Variants in CCDC178 observed in about 807,000 individuals in gnomAD.
The protein encoded by CCDC178 is coiled-coil domain containing 178.
In CCDC178, 126 loss-of-function variants were observed where a neutral mutation model predicts 117.4. That is an observed-to-expected ratio of 1.07 (90% CI 0.93 to 1.24). CCDC178 has a LOEUF of 1.24. CCDC178 is among the 50% of genes most tolerant of loss of function. The probability of loss-of-function intolerance (pLI) is 0.00; values close to 1 mark genes in which losing one functional copy is unlikely to be tolerated. For missense variants in CCDC178, 1,030 were observed against 986.9 expected, an observed-to-expected ratio of 1.04 and a Z score of -0.59; for synonymous variants, 283 against 313.4, an observed-to-expected ratio of 0.90 and a Z score of 1.02.
chr18:32,973,381 AAC>A (rs2054969410), intron 22 of CCDC178, among the ~76,000 whole-genome samples: 2 of 152,126 alleles, frequency 1.3e-5, no homozygotes, highest in Non-Finnish European at 2.9e-5. Flanking sequence ...GTTACATTTT[AAC>A]AGACTTAAGG....
rs866893293 is a variant in CCDC178 at position 33,388,647 on chromosome 18, G to A, written c.208+893C>T. 6.5e-4 allele frequency among the ~76,000 whole-genome samples: 93 copies of A among 143,552 alleles called. 1 individual carries two copies. The highest frequency in any genetic ancestry group is 5.3e-3 in the South Asian group (23 of 4,348). 94.2% of individuals were successfully genotyped at this position (143,552 alleles called of 152,430 possible). ...CCATTCTCCTGCCTCAGCCTCCCAA[G>A]TAGCTGGGACTACAGGCGCCCGCCA... On this transcript the variant is annotated intron_variant, in intron 5 of 22. Coordinates refer to ENST00000383096, the MANE Select transcript of CCDC178 (RefSeq NM_001105528.4).
chr18:33,241,825 G>T (rs1161249378), intron 15 of CCDC178, among the ~76,000 whole-genome samples: 1 of 151,426 alleles, frequency 6.6e-6, no homozygotes, highest in Non-Finnish European at 1.5e-5. Flanking sequence ...TGTTAAAATA[G>T]TATGTTAACC....
chr18:33,338,003 A>G (rs2062764449), intron 9 of CCDC178, among the ~76,000 whole-genome samples: 1 of 152,206 alleles, frequency 6.6e-6, no homozygotes, highest in South Asian at 2.1e-4. Context: ...TTGACGAACT[A>G]TACGTTGAAA....
intron 21 of CCDC178, among the ~76,000 whole-genome samples, chr18:33,028,927 A>G (rs1159423892): frequency 2.0e-5 from 3 of 151,790 alleles, no homozygotes; most frequent in African/African-American, 7.2e-5. Flanking sequence ...GTTTGTTTGT[A>G]TATTATTAAG....
intron 21 of CCDC178, among the ~76,000 whole-genome samples, chr18:33,003,038 G>A (rs1398982998): frequency 6.6e-6 from 1 of 152,028 alleles, no homozygotes; most frequent in Non-Finnish European, 1.5e-5. Context: ...ATAATAAAAA[G>A]TCTCCCAGCA....
chr18:33,370,518 C>T (rs567451831), intron 5 of CCDC178, among the ~76,000 whole-genome samples: 147 of 151,608 alleles, frequency 9.7e-4, no homozygotes, highest in African/African-American at 3.4e-3. Flanking sequence ...AACAGTTGAC[C>T]CATGTGTTAC....
At chr18:33,159,217 T>C (rs1325140393) in intron 20 of CCDC178, among the ~76,000 whole-genome samples, 1 of 152,080 alleles carries the variant, frequency 6.6e-6, no homozygotes, top group African/African-American at 2.4e-5. Flanking sequence ...ATTTCCCAGA[T>C]GTTTGCATTT....
rs555344283 is a variant in CCDC178, at chr18:33,376,284, G to A, written c.209-6095C>T. ...TCCTGGTGTGTTGGGGGAGGGGCGGGGAGGGCGTGAGCAGGAGGGGAGAGC... is the reference window on the plus strand; with the variant it reads ...TCCTGGTGTGTTGGGGGAGGGGCGGAGAGGGCGTGAGCAGGAGGGGAGAGC... On this transcript the variant is annotated intron_variant, in intron 5 of 22. Transcript: ENST00000383096. Among the ~76,000 whole-genome samples the A allele has an allele frequency of 3.9e-5, 6 of 152,198 alleles. No individual in the cohort carries two copies. In the East Asian group the frequency reaches 1.2e-3, roughly 30 times the overall value.
intron 2 of CCDC178, among the ~76,000 whole-genome samples, chr18:33,436,342 C>G (rs1353541557): frequency 6.6e-6 from 1 of 152,110 alleles, no homozygotes; most frequent in Non-Finnish European, 1.5e-5. Context: ...ATGTCCAGGA[C>G]AGCAAGAATG....
chr18:33,057,394 G>T (rs925296157), intron 21 of CCDC178, among the ~76,000 whole-genome samples: 3 of 152,334 alleles, frequency 2.0e-5, no homozygotes, highest in African/African-American at 7.2e-5. Flanking sequence ...CTGTTGGGTT[G>T]TGAAGTCTAG....
At chr18:33,114,508 T>C (rs1017976819) in intron 20 of CCDC178, among the ~76,000 whole-genome samples, 3 of 152,090 alleles carry the variant, frequency 2.0e-5, no homozygotes, top group Admixed American at 2.0e-4. Flanking sequence ...ATTACTCTAT[T>C]ACTAATTAAT....
chr18:33,011,626 C>G (rs1299559965), intron 21 of CCDC178, among the ~76,000 whole-genome samples: 1 of 151,666 alleles, frequency 6.6e-6, no homozygotes, highest in African/African-American at 2.4e-5. Flanking sequence ...CTTTAATAAG[C>G]GACTAAAGTT....
At chr18:33,433,532 T>A (rs1238564043) in intron 2 of CCDC178, among the ~76,000 whole-genome samples, 1 of 152,082 alleles carries the variant, frequency 6.6e-6, no homozygotes, top group African/African-American at 2.4e-5. Flanking sequence ...TCAATGTTCC[T>A]CCACTTAACA....
At chr18:33,111,144 TTTAG>T (rs2057776056) in intron 20 of CCDC178, among the ~76,000 whole-genome samples, 1 of 151,606 alleles carries the variant, frequency 6.6e-6, no homozygotes, top group African/African-American at 2.4e-5. Flanking sequence ...TACCTAGATG[TTTAG>T]TTATTCTATT....
chr18:33,001,578 C>T (rs1053511175), intron 21 of CCDC178, among the ~76,000 whole-genome samples: 1 of 151,696 alleles, frequency 6.6e-6, no homozygotes, highest in Non-Finnish European at 1.5e-5. Flanking sequence ...AAATCACCCT[C>T]ACTAAAAGGA....
chr18:33,054,542 T>A (rs570614809), intron 21 of CCDC178, among the ~76,000 whole-genome samples: 16 of 152,316 alleles, frequency 1.1e-4, no homozygotes, highest in Non-Finnish European at 1.6e-4. Flanking sequence ...TCTTCCTGCG[T>A]TAGTTTGATG....
intron 20 of CCDC178, among the ~76,000 whole-genome samples, chr18:33,111,802 C>G (rs77646851): frequency 5.3e-5 from 8 of 151,536 alleles, no homozygotes; most frequent in African/African-American, 1.9e-4. Flanking sequence ...GATAAAATAA[C>G]TGGGTAGAAG....
intron 18 of CCDC178, among the ~76,000 whole-genome samples, chr18:33,216,963 G>A (rs184925652): frequency 1.3e-5 from 2 of 152,042 alleles, no homozygotes; most frequent in Admixed American, 1.3e-4. Context: ...TAAACTTGAC[G>A]TTTAGATCAG....
chr18:33,357,512 C>T (rs966828961), intron 6 of CCDC178, among the ~76,000 whole-genome samples: 3 of 152,120 alleles, frequency 2.0e-5, no homozygotes, highest in African/African-American at 4.8e-5. Context: ...AAGTACATGA[C>T]ATCTATTGAA....
Sources: gnomAD v4.1 joint callset for allele counts (sites outside exome capture counted in the v4.1 genomes callset) on GRCh38, gnomAD v4.1.1 for gene constraint, MANE v1.5 for transcripts, NCBI Gene and HGNC (gene_info 2026-07-23, HGNC 2026-07-21) for gene names.